The following RAD51AP2 variants were observed in gnomAD, a reference collection of about 807,000 sequenced individuals.
RAD51AP2 encodes the protein RAD51-associated protein 2.
RAD51AP2 carries 67 observed loss-of-function variants against 85.5 expected under a neutral mutation model. The ratio of observed to expected loss-of-function variants is 0.78; its 90% CI spans 0.64 to 0.96. The LOEUF is 0.96. Among genes scored for constraint, RAD51AP2 ranks in the 40% least tolerant of loss-of-function variants. The pLI is 0.00. For synonymous variants in RAD51AP2, 474 were observed against 446.5 expected (o/e 1.06, Z -0.78); for missense variants, 1,307 against 1,332.4 (o/e 0.98, Z 0.30).
upstream of RAD51AP2, among the ~76,000 whole-genome samples, chr2:17,521,060 C>T (rs1461751713): frequency 6.6e-6 from 1 of 152,086 alleles, no homozygotes; most frequent in African/African-American, 2.4e-5. Context: ...CTCCACTAGG[C>T]TCCATTAATC....
In RAD51AP2 at chr2:17,516,498, C is replaced by T. The variant is rs772393851; in HGVS notation, c.1918G>A (p.Glu640Lys). Reference protein sequence around the residue: ...VKILTSSRLLEDNMKPMLKKR... With the variant: ...VKILTSSRLLKDNMKPMLKKR... The stretch of plus-strand genomic sequence containing the variant: ...TTTAACATAGGTTTCATATTATCTT[C>T]TAATAGTCTTGAAGAAGTTAAAATC... Residue 640 changes from glutamate to lysine, a missense_variant, in exon 1 of 3, where the codon GAA becomes AAA. Physicochemically the swap from Glu to Lys is moderately conservative, Grantham distance 56. This residue lies in a region of RAD51AP2 where 668 missense variants were observed against 671.0 expected (regional missense o/e 1.00). Coordinates refer to ENST00000399080, the MANE Select transcript of RAD51AP2 (RefSeq NM_001099218.3). 6.5e-6 allele frequency: 10 copies of T among 1,540,658 alleles called. No individual in the cohort carries two copies. The East Asian group carries it at 2.0e-4, about 31-fold the overall frequency.
At chr2:17,530,000 T>C in the RAD51AP2 span, among the ~76,000 whole-genome samples, 45 of 152,306 alleles carry the variant, frequency 3.0e-4, no homozygotes, top group African/African-American at 9.9e-4. Flanking sequence ...ACTTCAGGCA[T>C]AGGATCTGAT....
intron 2 of RAD51AP2, among the ~76,000 whole-genome samples, chr2:17,513,302 A>G (rs1278359285): frequency 6.7e-6 from 1 of 148,828 alleles, no homozygotes; most frequent in Non-Finnish European, 1.5e-5. Context: ...CAGTGGCTCA[A>G]TCTAGGCTCA....
chr2:17,515,424 C>T lies in RAD51AP2; in HGVS notation c.2992G>A (p.Glu998Lys). 6.2e-7 allele frequency: 1 copy of T among 1,612,568 alleles called. No homozygotes were observed. The highest frequency in any genetic ancestry group is 8.5e-7 in the Non-Finnish European group (1 of 1,179,664). Residue 998 changes from glutamate to lysine, a missense_variant, in exon 1 of 3, where the codon GAA becomes AAA. By Grantham distance (56) the Glu-to-Lys change is moderately conservative. This residue lies in a region of RAD51AP2 where 668 missense variants were observed against 671.0 expected (regional missense o/e 1.00). Transcript: ENST00000399080. The stretch of plus-strand genomic sequence containing the variant: ...GCATCATTTTCTCCAAAGTAATTTT[C>T]TTGCCCATTGTTTGTTTCCACAGTG... ...LSTVETNNGQ[E>K]NYFGENDAEK...
the RAD51AP2 span, among the ~76,000 whole-genome samples, chr2:17,534,465 T>C: frequency 6.6e-6 from 1 of 152,170 alleles, no homozygotes; most frequent in African/African-American, 2.4e-5. Context: ...ATAACTAGTA[T>C]TACATTACTG....
chr2:17,532,550 A>G, the RAD51AP2 span, among the ~76,000 whole-genome samples: 1 of 152,130 alleles, frequency 6.6e-6, no homozygotes, highest in Admixed American at 6.5e-5. Flanking sequence ...AAAAAATCCA[A>G]TTGGTCTAGC....
the RAD51AP2 span, among the ~76,000 whole-genome samples, chr2:17,526,114 T>A: frequency 6.6e-6 from 1 of 151,880 alleles, no homozygotes; most frequent in African/African-American, 2.4e-5. Context: ...AATCAAGGGA[T>A]TATAAATAGA....
At chr2:17,521,704 C>T (rs941085330), upstream of RAD51AP2, among the ~76,000 whole-genome samples, 25 of 151,976 alleles carry the variant, frequency 1.6e-4, no homozygotes, top group South Asian at 6.2e-4. Flanking sequence ...TTTTTATCAG[C>T]GCAATAATGG....
At chr2:17,535,251 C>T in the RAD51AP2 span, among the ~76,000 whole-genome samples, 4 of 152,022 alleles carry the variant, frequency 2.6e-5, no homozygotes, top group Admixed American at 2.0e-4. Flanking sequence ...TGGATAAGTG[C>T]GGAGAAGTGA....
chr2:17,532,959 T>C, the RAD51AP2 span, among the ~76,000 whole-genome samples: 2 of 152,240 alleles, frequency 1.3e-5, no homozygotes, highest in African/African-American at 4.8e-5. Flanking sequence ...AAGTGCTGTT[T>C]GACAATACTA....
chr2:17,531,214 A>G, the RAD51AP2 span, among the ~76,000 whole-genome samples: 2 of 152,172 alleles, frequency 1.3e-5, no homozygotes, highest in South Asian at 2.1e-4. Flanking sequence ...GTTATTTATC[A>G]TCTCATTTTA....
In RAD51AP2 at chr2:17,517,667, T is replaced by C. The variant is rs761075732; in HGVS notation, c.749A>G (p.Tyr250Cys). The change falls in exon 1 of 3, where the codon TAT becomes TGT. Residue 250 changes from tyrosine (Y) to cysteine (C), a missense_variant. Tyr to Cys is a radical substitution (Grantham distance 194, BLOSUM62 -2). Around this residue, in one of 3 missense-constraint regions of RAD51AP2, gnomAD observed 635 missense variants for 643.6 expected, o/e 0.99. Transcript: ENST00000399080. Reference sequence around the variant, plus strand: ...ACTTATTGTGCCGCTATCTCTAAAATAGCTAGGTTTGGCAATTTCCAAGCT... The same window carrying C: ...ACTTATTGTGCCGCTATCTCTAAAACAGCTAGGTTTGGCAATTTCCAAGCT... The part of the protein sequence containing the change: ...QPSLEIAKPS[Y>C]FRDSGTISVP... 6.8e-6 allele frequency: 11 copies of C among 1,613,704 alleles called. No individual in the cohort carries two copies. The East Asian group carries it at 2.2e-4, about 33-fold the overall frequency.
chr2:17,530,940 A>G, the RAD51AP2 span, among the ~76,000 whole-genome samples: 4,473 of 152,306 alleles, frequency 0.029, 65 homozygotes, highest in Middle Eastern at 0.054. Context: ...TATTTTTCAA[A>G]TTGTACAATG....
the RAD51AP2 span, among the ~76,000 whole-genome samples, chr2:17,535,687 G>A: frequency 6.6e-6 from 1 of 152,088 alleles, no homozygotes; most frequent in Admixed American, 6.5e-5. Context: ...CAAAGTGCTA[G>A]GCAGCACAGG....
rs373382187 is a variant in RAD51AP2, at chr2:17,510,906, G to A, written c.3378C>T (p.Cys1126=). The change falls in exon 3 of 3, where the codon TGC becomes TGT. Residue 1126 remains cysteine, a synonymous_variant. Transcript: ENST00000399080. ...GISRVRPLKT[C]SRPIRIGLSR... ...ACAAACCAATCCTGATTGGCCTACT[G>A]CATGTCTTAAGCGGTCGTACTCTTG... The A allele has an allele frequency of 3.6e-5, 58 of 1,608,496 alleles. 1 individual carries two copies. The South Asian group carries it at 5.9e-4, about 16-fold the overall frequency.
the RAD51AP2 span, among the ~76,000 whole-genome samples, chr2:17,537,199 G>A: frequency 6.6e-6 from 1 of 152,038 alleles, no homozygotes; most frequent in Non-Finnish European, 1.5e-5. Context: ...GTGTGTGTCT[G>A]TAGTACCAGC....
the RAD51AP2 span, among the ~76,000 whole-genome samples, chr2:17,525,705 A>T: frequency 6.6e-6 from 1 of 152,038 alleles, no homozygotes; most frequent in Non-Finnish European, 1.5e-5. Flanking sequence ...CTGTAGTTTC[A>T]TATCAACTTC....
chr2:17,512,897 T>C (rs779656592), intron 2 of RAD51AP2, among the ~76,000 whole-genome samples: 1 of 152,224 alleles, frequency 6.6e-6, no homozygotes, highest in Non-Finnish European at 1.5e-5. Flanking sequence ...GAGGAAAAGA[T>C]ACAATTCTGA....
upstream of RAD51AP2, among the ~76,000 whole-genome samples, chr2:17,522,043 A>G (rs1306562798): frequency 6.6e-6 from 1 of 151,958 alleles, no homozygotes; most frequent in African/African-American, 2.4e-5. Context: ...ACCAGTCTTC[A>G]TTTTACTAGT....
Sources: allele counts gnomAD v4.1 joint callset (sites outside exome capture counted in the v4.1 genomes callset), GRCh38; gene constraint gnomAD v4.1.1; regional missense constraint gnomAD v4.1.1; transcripts MANE v1.5; gene names NCBI Gene and HGNC (gene_info 2026-07-23, HGNC 2026-07-21).